Variants in MAP3K14 observed in about 807,000 individuals in gnomAD.
MAP3K14 encodes NF-kappa-beta-inducing kinase.
In MAP3K14, 16 loss-of-function variants were observed where a neutral mutation model predicts 99.2. The ratio of observed to expected loss-of-function variants is 0.16; its 90% confidence interval spans 0.11 to 0.24. The LOEUF (loss-of-function observed/expected upper bound fraction) is 0.24. Among genes scored for constraint, MAP3K14 ranks in the 10% least tolerant of loss-of-function variants. The pLI is 1.00. For synonymous variants in MAP3K14, 462 were observed against 492.4 expected, an observed-to-expected ratio of 0.94 and a Z score of 0.82; for missense variants, 784 against 1,208.7, an observed-to-expected ratio of 0.65 and a Z score of 5.21.
At chr17:45,306,709 A>C (rs2044433319) in intron 1 of MAP3K14, among the ~76,000 whole-genome samples, 1 of 152,238 alleles carries the variant, frequency 6.6e-6, no homozygotes, top group Non-Finnish European at 1.5e-5. Flanking sequence ...TTTTGCCCCC[A>C]GGCCCTGATA....
Position 45,274,262 on chromosome 17 carries a change from A to T in MAP3K14, c.1421-8T>A. The T allele has an allele frequency of 6.3e-7, 1 of 1,598,646 alleles. No homozygotes were observed. The highest frequency in any genetic ancestry group is 8.5e-7 in the Non-Finnish European group (1 of 1,172,362). ...GCTGGCCCAGGGAGCCACCTAGGAG[A>T]CCAAAGGCCAGGCTATACATGGGAC... On this transcript the variant is annotated splice_region_variant and splice_polypyrimidine_tract_variant and intron_variant, in intron 7 of 15. Coordinates refer to ENST00000344686, the MANE Select transcript of MAP3K14 (RefSeq NM_003954.5).
At chr17:45,307,056 G>A (rs1368017731) in intron 1 of MAP3K14, among the ~76,000 whole-genome samples, 1 of 152,092 alleles carries the variant, frequency 6.6e-6, no homozygotes, top group Non-Finnish European at 1.5e-5. Context: ...TTGTGAGATC[G>A]AGACCAGCCT....
rs2044100625 is a variant in MAP3K14 at position 45,267,526 on chromosome 17, C to G, written c.2206G>C (p.Glu736Gln). The G allele has an allele frequency of 6.2e-7, 1 of 1,613,332 alleles. No homozygotes were observed. Among genetic ancestry groups the G allele is most frequent in the Non-Finnish European group, 8.5e-7 (1 of 1,179,626 alleles). Residue 736 changes from glutamate (E) to glutamine (Q), a missense_variant, in exon 12 of 16, where the codon GAG (glutamate) becomes CAG (glutamine). By Grantham distance (29) the Glu-to-Gln change is conservative. This residue lies in a region of MAP3K14 where 128 missense variants were observed against 143.3 expected (regional missense o/e 0.89). Coordinates refer to ENST00000344686, the MANE Select transcript of MAP3K14 (RefSeq NM_003954.5). The surrounding 1 kb of genome is among the most constrained non-coding windows in gnomAD (Gnocchi z 5.1). ...GGTAAGGGTTCCCACATCCCAGACT[C>G]CTCCTTGCTCAAAGTCAAGGGAGGA... is the stretch of plus-strand genomic sequence containing the variant. Reference protein sequence around the residue: ...KSPPLTLSKEESGMWEPLPLS... With the variant: ...KSPPLTLSKEQSGMWEPLPLS...
rs750307832 is a variant in MAP3K14, at chr17:45,286,926, C to T, written c.657G>A (p.Pro219=). Residue 219 remains proline (P), a synonymous_variant, in exon 5 of 16, where the codon CCG becomes CCA. Coordinates refer to ENST00000344686, the MANE Select transcript of MAP3K14 (RefSeq NM_003954.5). This position sits in a 1 kb window ranked among gnomAD's most constrained non-coding sequence, Gnocchi z 4.1. The part of the protein sequence containing the change: ...CFKQLGEGLR[P]ALPRSELHKL... ...TGTGGAGTTCTGATCGAGGCAGAGC[C>T]GGCCGTAGGCCCTCGCCAAGCTGCT... is the stretch of plus-strand genomic sequence containing the variant. 3.7e-6 allele frequency: 6 copies of T among 1,614,020 alleles called. No individual in the cohort carries two copies. Among genetic ancestry groups the T allele is most frequent in the African/African-American group, 2.7e-5 (2 of 75,050 alleles).
At chr17:45,283,965 G>A (rs775841648) in intron 6 of MAP3K14, among the ~76,000 whole-genome samples, 14 of 152,142 alleles carry the variant, frequency 9.2e-5, no homozygotes, top group African/African-American at 2.7e-4. Flanking sequence ...GAGAAGGACC[G>A]ACACCTGTAA....
chr17:45,279,968 C>T (rs2044209180), intron 6 of MAP3K14, among the ~76,000 whole-genome samples: 1 of 152,164 alleles, frequency 6.6e-6, no homozygotes, highest in African/African-American at 2.4e-5. Context: ...GGCTGCTCAC[C>T]TTTACCCCAA....
chr17:45,305,284 G>C (rs896527445), intron 1 of MAP3K14, among the ~76,000 whole-genome samples: 1 of 151,920 alleles, frequency 6.6e-6, no homozygotes, highest in Non-Finnish European at 1.5e-5. Context: ...TTTTAGTAGA[G>C]ACAGGATTTC....
At chr17:45,277,984 C>T (rs1168104530) in intron 6 of MAP3K14, among the ~76,000 whole-genome samples, 1 of 152,122 alleles carries the variant, frequency 6.6e-6, no homozygotes, top group Non-Finnish European at 1.5e-5. Flanking sequence ...TGGAAGGACC[C>T]TTTTTCTTTC....
chr17:45,266,277 T>G, intron 14 of MAP3K14: 1 of 399,672 alleles, frequency 2.5e-6, no homozygotes, highest in Non-Finnish European at 4.5e-6. Context: ...CTCCCCAAGC[T>G]AGGGGAACCT....
intron 13 of MAP3K14, among the ~76,000 whole-genome samples, 187 bp from the exon 14 acceptor site, chr17:45,266,868 C>T (rs1319923237): frequency 1.3e-5 from 2 of 152,176 alleles, no homozygotes; most frequent in East Asian, 1.9e-4. Context: ...TCCCTAATCC[C>T]AGAAGGGTAG....
intron 6 of MAP3K14, among the ~76,000 whole-genome samples, chr17:45,277,474 C>T (rs1160137247): frequency 6.6e-6 from 1 of 152,168 alleles, no homozygotes; most frequent in Non-Finnish European, 1.5e-5. Flanking sequence ...GGACTTTTGC[C>T]TATCAGTGGA....
In MAP3K14 at chr17:45,286,029, C is replaced by A. The variant is rs1268076412; in HGVS notation, c.1152+402G>T. ...CCCGGAAATCAAAGTTTGATAAAAT[C>A]ATTTAAAGTTATAAAATTATTTGGG... On this transcript the variant is annotated intron_variant, in intron 5 of 15. Transcript: ENST00000344686. The surrounding 1 kb of genome is among the most constrained non-coding windows in gnomAD (Gnocchi z 4.1). 6.7e-6 allele frequency among the ~76,000 whole-genome samples: 1 copy of A among 149,396 alleles called. No individual in the cohort carries two copies. Among genetic ancestry groups the A allele is most frequent in the East Asian group, 2.0e-4 (1 of 5,110 alleles).
intron 1 of MAP3K14, among the ~76,000 whole-genome samples, 160 bp downstream of exon 1, chr17:45,316,800 G>T (rs535144769): frequency 5.3e-4 from 80 of 151,906 alleles, no homozygotes; most frequent in African/African-American, 1.9e-3. Flanking sequence ...CTGCGAGTGG[G>T]TTGGACGGGG....
intron 1 of MAP3K14, among the ~76,000 whole-genome samples, chr17:45,291,216 G>A (rs1331075201): frequency 1.3e-5 from 2 of 152,136 alleles, no homozygotes; most frequent in African/African-American, 4.8e-5. Flanking sequence ...AGGACCTGTT[G>A]GCACACACCA....
At chr17:45,275,733 C>T (rs964985685) in intron 6 of MAP3K14, among the ~76,000 whole-genome samples, 15 of 149,668 alleles carry the variant, frequency 1.0e-4, no homozygotes, top group East Asian at 3.9e-4. Flanking sequence ...TGGACTCCAT[C>T]GGGTGCATTT....
At position 45,284,841 on chromosome 17, in the gene MAP3K14, G is replaced by T; in HGVS notation, c.1261C>A (p.Gln421Lys). Residue 421 changes from glutamine (Q) to lysine (K), a missense_variant, in exon 6 of 16, where the codon CAG (glutamine) becomes AAG (lysine). By Grantham distance (53) the Gln-to-Lys change is moderately conservative. Around this residue, in one of 5 missense-constraint regions of MAP3K14, gnomAD observed 200 missense variants for 367.9 expected, o/e 0.54. Coordinates refer to ENST00000344686, the MANE Select transcript of MAP3K14 (RefSeq NM_003954.5). ...TTGACAGCGCACTGGAAGCCAGTCT[G>T]CTTGTCCTCCATCCTGTGCACCTCT... is the stretch of plus-strand genomic sequence containing the variant. The part of the protein sequence containing the change: ...FGEVHRMEDK[Q>K]TGFQCAVKKV... 7 of 1,594,576 alleles carry T rather than the reference G, an allele frequency of 4.4e-6. No individual in the cohort carries two copies. The highest frequency in any genetic ancestry group is 6.0e-6 in the Non-Finnish European group (7 of 1,170,882).
chr17:45,270,200 G>A (rs1014803508), intron 11 of MAP3K14, among the ~76,000 whole-genome samples: 3 of 152,212 alleles, frequency 2.0e-5, no homozygotes, highest in Non-Finnish European at 2.9e-5. Flanking sequence ...TTGCGTGTGA[G>A]TTTTCTCTTT....
intron 3 of MAP3K14, among the ~76,000 whole-genome samples, chr17:45,288,479 G>A (rs1407204089): frequency 4.7e-5 from 7 of 149,940 alleles, no homozygotes; most frequent in African/African-American, 1.7e-4. Flanking sequence ...CTGGATTCAA[G>A]CGATTCTCCT....
At chr17:45,283,534 G>A (rs1003449657) in intron 6 of MAP3K14, among the ~76,000 whole-genome samples, 4 of 152,304 alleles carry the variant, frequency 2.6e-5, no homozygotes, top group Admixed American at 2.6e-4. Context: ...CATCCCAGCT[G>A]TCTCCTCTCC....
Sources: allele counts gnomAD v4.1 joint callset (sites outside exome capture counted in the v4.1 genomes callset), GRCh38; gene constraint gnomAD v4.1.1; regional missense constraint gnomAD v4.1.1; non-coding constraint Gnocchi (gnomAD v3.1); transcripts MANE v1.5; gene names NCBI Gene and HGNC (gene_info 2026-07-23, HGNC 2026-07-21).